The following PRKX variants were observed in gnomAD, a reference collection of about 807,000 sequenced individuals.
PRKX encodes the protein protein kinase cAMP-dependent X-linked catalytic subunit.
PRKX carries 12 observed loss-of-function variants against 22.0 expected under a neutral mutation model. The ratio of observed to expected loss-of-function variants is 0.54; its 90% CI spans 0.35 to 0.88. The LOEUF (loss-of-function observed/expected upper bound fraction) is 0.88, where lower values mean the gene tolerates loss of function less well. Ranked by LOEUF, PRKX falls within the 40% of genes least tolerant of loss-of-function variation. PRKX has a pLI of 0.01. For missense variants in PRKX, 217 were observed against 308.0 expected, an observed-to-expected ratio of 0.70 and a Z score of 2.21; for synonymous variants, 134 against 137.7, an observed-to-expected ratio of 0.97 and a Z score of 0.19.
At chrX:3,701,275 A>ATTT (rs200514701) in intron 1 of PRKX, among the ~76,000 whole-genome samples, 3 of 110,442 alleles carry the variant, frequency 2.7e-5, no homozygotes, top group African/African-American at 9.9e-5. Flanking sequence ...CACACGGCTG[A>ATTT]TTTTATTTTT....
intron 6 of PRKX, among the ~76,000 whole-genome samples, chrX:3,619,383 G>A (rs748243438): frequency 1.8e-5 from 2 of 110,259 alleles, no homozygotes; most frequent in Non-Finnish European, 3.8e-5. Flanking sequence ...ATTGGGCAGT[G>A]GCCCTCAAAA....
At chrX:3,705,833 G>A (rs1439544113) in intron 1 of PRKX, among the ~76,000 whole-genome samples, 5 of 105,713 alleles carry the variant, frequency 4.7e-5, no homozygotes, top group African/African-American at 1.0e-4. Context: ...ACTAACAGGC[G>A]CCCGCCACCA....
intron 4 of PRKX, among the ~76,000 whole-genome samples, chrX:3,627,165 T>C (rs1475925232): frequency 9.1e-6 from 1 of 110,291 alleles, no homozygotes; most frequent in Non-Finnish European, 1.9e-5. Context: ...GTGGATAACC[T>C]GACGTCAGGA....
intron 1 of PRKX, among the ~76,000 whole-genome samples, chrX:3,683,877 T>A (rs1325664103): frequency 9.1e-6 from 1 of 109,915 alleles, no homozygotes; most frequent in African/African-American, 3.3e-5. Flanking sequence ...AATAGGAAAC[T>A]AATGGCTGAT....
At chrX:3,674,419 G>A (rs1713989974) in intron 2 of PRKX, among the ~76,000 whole-genome samples, 179 bp downstream of exon 2, 1 of 111,456 alleles carries the variant, frequency 9.0e-6, no homozygotes, top group Admixed American at 9.6e-5. Context: ...TGGAGGTCAG[G>A]AGCCCTGGAG....
chrX:3,612,345 C>T lies in PRKX; in HGVS notation c.952-20G>A, dbSNP rs747130149. On this transcript the variant is annotated intron_variant, in intron 7 of 8. Transcript: ENST00000262848. ...GGGAGGCTGTGAGACATGGCCGAAG[C>T]ACAAAGGCATGGTTAGAAAGGGACG... 1 of 1,203,175 alleles carries T rather than the reference C, an allele frequency of 8.3e-7. No homozygotes were observed. The highest frequency in any genetic ancestry group is 1.8e-5 in the South Asian group (1 of 55,289).
chrX:3,699,363 C>G (rs1928511363), intron 1 of PRKX, among the ~76,000 whole-genome samples: 1 of 106,681 alleles, frequency 9.4e-6, no homozygotes, highest in Non-Finnish European at 1.9e-5. Flanking sequence ...TTTTTCTTTT[C>G]TTTTTTTGAG....
intron 7 of PRKX, among the ~76,000 whole-genome samples, chrX:3,613,259 A>C (rs1379640120): frequency 9.2e-6 from 1 of 108,996 alleles, no homozygotes; most frequent in Non-Finnish European, 1.9e-5. Context: ...AGACTATAAT[A>C]ATGTACATAC....
chrX:3,631,335 A>G (rs1255217813), intron 4 of PRKX, among the ~76,000 whole-genome samples: 2 of 112,636 alleles, frequency 1.8e-5, no homozygotes, highest in African/African-American at 6.5e-5. Flanking sequence ...CCCAAATCCA[A>G]TGACAGGTAT....
chrX:3,637,752 T>C (rs1376322431), intron 4 of PRKX, among the ~76,000 whole-genome samples: 2 of 104,660 alleles, frequency 1.9e-5, no homozygotes, highest in Non-Finnish European at 3.9e-5. Flanking sequence ...ATTTAATTAT[T>C]CATTTTCTTT....
chrX:3,624,156 G>A (rs1247577017), intron 5 of PRKX, among the ~76,000 whole-genome samples: 1 of 111,487 alleles, frequency 9.0e-6, no homozygotes, highest in East Asian at 2.8e-4. Context: ...GAGCCCAGGA[G>A]TTCAAAAGCA....
At chrX:3,653,617 TATTA>T (rs1927385693) in intron 3 of PRKX, among the ~76,000 whole-genome samples, 1 of 75,356 alleles carries the variant, frequency 1.3e-5, no homozygotes, top group Non-Finnish European at 2.5e-5. Context: ...GTAATATATA[TATTA>T]TATATAATAT....
Position 3,626,488 on chromosome X carries a change from G to A in PRKX, c.746C>T (p.Pro249Leu). ...SGFPPFFDDN[P>L]FGIYQKILAG... is the part of the protein sequence containing the mutation. The stretch of plus-strand genomic sequence containing the variant: ...AAGAATTTTCTGATAAATGCCAAAC[G>A]GGTTGTCATCAAAAAACGGAGGAAA... The change falls in exon 5 of 9, where the codon CCG (proline) becomes CTG (leucine). Residue 249 changes from proline (P) to leucine (L), a missense_variant. Transcript: ENST00000262848. 5.0e-6 allele frequency: 6 copies of A among 1,209,859 alleles called. No homozygotes were observed. The highest frequency in any genetic ancestry group is 6.7e-6 in the Non-Finnish European group (6 of 893,860).
intron 2 of PRKX, among the ~76,000 whole-genome samples, chrX:3,672,281 TA>T (rs1407684760): frequency 1.8e-5 from 2 of 111,897 alleles, no homozygotes; most frequent in Non-Finnish European, 3.8e-5. Flanking sequence ...CTAAAGTCTC[TA>T]GGGCTTTATA....
intron 1 of PRKX, among the ~76,000 whole-genome samples, chrX:3,684,581 G>A: frequency 9.0e-6 from 1 of 111,376 alleles, no homozygotes; most frequent in Non-Finnish European, 1.9e-5. Flanking sequence ...AGACTTCTAT[G>A]TAAATAAAGT....
intron 8 of PRKX, among the ~76,000 whole-genome samples, chrX:3,609,689 C>A (rs1926255296): frequency 9.0e-6 from 1 of 111,321 alleles, no homozygotes; most frequent in Admixed American, 9.6e-5. Flanking sequence ...CTCCTGACCT[C>A]AAGTGAGCCT....
intron 5 of PRKX, among the ~76,000 whole-genome samples, chrX:3,624,419 A>G (rs1166097391): frequency 1.8e-5 from 2 of 110,615 alleles, no homozygotes; most frequent in Non-Finnish European, 3.8e-5. Flanking sequence ...ATGTTAGATC[A>G]GACAGTACCA....
intron 2 of PRKX, among the ~76,000 whole-genome samples, chrX:3,672,980 G>C (rs1927877528): frequency 9.0e-6 from 1 of 111,361 alleles, no homozygotes; most frequent in African/African-American, 3.3e-5. Context: ...GAAGGAGTGA[G>C]ACCCTGTCAA....
intron 4 of PRKX, among the ~76,000 whole-genome samples, chrX:3,640,070 C>T (rs1369223939): frequency 1.8e-5 from 2 of 110,698 alleles, no homozygotes; most frequent in Non-Finnish European, 1.9e-5. Context: ...TGGTCTTTAC[C>T]CCCTGCAGGG....
Sources: allele counts gnomAD v4.1 joint callset (sites outside exome capture counted in the v4.1 genomes callset), GRCh38; gene constraint gnomAD v4.1.1; transcripts MANE v1.5; gene names NCBI Gene and HGNC (gene_info 2026-07-23, HGNC 2026-07-21).